NLRC3: variants seen among roughly 807,000 people sequenced by gnomAD.
NLRC3 encodes NLR family CARD domain-containing protein 3.
In NLRC3, 87 loss-of-function variants were observed where a neutral mutation model predicts 91.6. That is an observed-to-expected ratio of 0.95 (90% CI 0.80 to 1.14). NLRC3 has a LOEUF of 1.14. Among genes scored for constraint, NLRC3 ranks in the 50% most tolerant of loss-of-function variants. NLRC3 has a pLI of 0.00. For missense variants in NLRC3, 1,577 were observed against 1,418.6 expected, an observed-to-expected ratio of 1.11 and a Z score of -1.79; for synonymous variants, 694 against 625.3, an observed-to-expected ratio of 1.11 and a Z score of -1.64.
chr16:3,576,657 T>TTTCTTTTTTG (rs1555448210), intron 1 of NLRC3, among the ~76,000 whole-genome samples: 1 of 152,178 alleles, frequency 6.6e-6, no homozygotes, highest in Non-Finnish European at 1.5e-5. Context: ...TTTCTTTTCT[T>TTTCTTTTTTG]TTTTGTTTTG....
At chr16:3,575,705 C>T (rs2040263170) in intron 1 of NLRC3, among the ~76,000 whole-genome samples, 4 of 152,196 alleles carry the variant, frequency 2.6e-5, no homozygotes, top group Admixed American at 2.6e-4. Flanking sequence ...CCTGAGAAGC[C>T]TCAGTCCCGA....
intron 16 of NLRC3, 121 bp from the exon 17 acceptor site, chr16:3,543,629 T>C: frequency 1.4e-6 from 1 of 705,336 alleles, no homozygotes; most frequent in Non-Finnish European, 2.5e-6. Context: ...CTGAGAATGG[T>C]TGGCCAGCGC....
intron 1 of NLRC3, among the ~76,000 whole-genome samples, chr16:3,575,863 C>T (rs1448871987): frequency 2.6e-5 from 4 of 152,336 alleles, no homozygotes; most frequent in East Asian, 1.9e-4. Context: ...TCTCCCACCA[C>T]GGCTGCTTGG....
Position 3,564,911 on chromosome 16 carries a change from G to T in NLRC3, c.126C>A (p.Ala42=). Residue 42 remains alanine (A), a synonymous_variant, in exon 4 of 20, where the codon GCC becomes GCA. Transcript: ENST00000359128. This position sits in a 1 kb window ranked among gnomAD's most constrained non-coding sequence, Gnocchi z 5.9. ...LAGKGSQGSQ[A]PQALDRTPDA... ...CCGGTGTCCTATCCAGGGCCTGCGG[G>T]GCCTGGGAGCCTTGACTGCCCTTCC... 1 of 1,610,050 alleles carries T rather than the reference G, an allele frequency of 6.2e-7. No individual in the cohort carries two copies. Among genetic ancestry groups the T allele is most frequent in the Non-Finnish European group, 8.5e-7 (1 of 1,179,556 alleles).
chr16:3,554,897 A>G (rs1365716827), intron 8 of NLRC3, among the ~76,000 whole-genome samples: 2 of 152,218 alleles, frequency 1.3e-5, no homozygotes, highest in African/African-American at 4.8e-5. Flanking sequence ...TCAACATATC[A>G]TGGTCTGTCC....
intron 8 of NLRC3, among the ~76,000 whole-genome samples, chr16:3,555,608 C>G (rs1268724424): frequency 6.6e-6 from 1 of 152,076 alleles, no homozygotes; most frequent in Admixed American, 6.6e-5. Flanking sequence ...CTCGCTCTGT[C>G]GCCCAGGCTG....
At chr16:3,570,368 C>T (rs1488093313) in intron 1 of NLRC3, among the ~76,000 whole-genome samples, 2 of 152,132 alleles carry the variant, frequency 1.3e-5, no homozygotes, top group Non-Finnish European at 2.9e-5. Context: ...ATTTATTCAA[C>T]CAGCAAATAT....
intron 1 of NLRC3, among the ~76,000 whole-genome samples, chr16:3,572,840 C>T (rs542688850): frequency 7.2e-5 from 11 of 151,726 alleles, no homozygotes; most frequent in Non-Finnish European, 7.4e-5. Flanking sequence ...TGGTGAAACC[C>T]CGTCTCTACT....
rs1199854746 is a variant in NLRC3 at position 3,560,308 on chromosome 16, A to G, written c.2015+1394T>C. ...TGTGGTGGCATGCGCCTGTAGTCCC[A>G]GCTACTCAGGAGGCTGAGGCAGGAG... is the stretch of plus-strand genomic sequence containing the variant. On this transcript the variant is annotated intron_variant, in intron 6 of 19. Coordinates refer to ENST00000359128, the MANE Select transcript of NLRC3 (RefSeq NM_178844.4). Among the ~76,000 whole-genome samples, 3 of 152,114 alleles carry G rather than the reference A, an allele frequency of 2.0e-5. No individual in the cohort carries two copies. The East Asian group carries it at 5.8e-4, about 30-fold the overall frequency.
intron 3 of NLRC3, 30 bp from the exon 4 acceptor site, chr16:3,565,090 T>G: frequency 6.5e-7 from 1 of 1,544,500 alleles, no homozygotes; most frequent in Non-Finnish European, 8.8e-7. Context: ...ACCTGCTGCC[T>G]GCCGTGCCCC....
chr16:3,546,472 G>A (rs542275472), intron 15 of NLRC3, among the ~76,000 whole-genome samples: 5 of 151,894 alleles, frequency 3.3e-5, no homozygotes, highest in African/African-American at 4.8e-5. Context: ...CAGGAGAATC[G>A]CTTGGACCTG....
intron 6 of NLRC3, 77 bp from the exon 7 acceptor site, chr16:3,557,753 G>A (rs1246481504): frequency 1.1e-6 from 1 of 902,268 alleles, no homozygotes; most frequent in Non-Finnish European, 1.8e-6. Flanking sequence ...CTGTGCCCGT[G>A]ATTAATCCTC....
chr16:3,551,325 TATCCATCCACTCATCCATTC>T (rs2038986953), intron 10 of NLRC3, among the ~76,000 whole-genome samples: 1 of 128,790 alleles, frequency 7.8e-6, no homozygotes, highest in Non-Finnish European at 1.7e-5. Context: ...CTCATCCATT[TATCCATCCACTCATCCATTC>T]AACCATCCAT....
At chr16:3,573,110 TA>T (rs2040157961) in intron 1 of NLRC3, among the ~76,000 whole-genome samples, 1 of 149,878 alleles carries the variant, frequency 6.7e-6, no homozygotes. Context: ...TGAGAGAAAT[TA>T]AAAAACATCA....
chr16:3,571,291 A>G (rs941105622), intron 1 of NLRC3, among the ~76,000 whole-genome samples: 1 of 151,976 alleles, frequency 6.6e-6, no homozygotes, highest in Non-Finnish European at 1.5e-5. Flanking sequence ...ATGAGATAAT[A>G]TTTTAAAATA....
intron 10 of NLRC3, among the ~76,000 whole-genome samples, chr16:3,551,151 A>G (rs1325600314): frequency 2.0e-5 from 3 of 150,584 alleles, no homozygotes; most frequent in Non-Finnish European, 4.4e-5. Flanking sequence ...CCACTCACCT[A>G]TTCTCCACTA....
intron 15 of NLRC3, chr16:3,545,736 A>G (rs2038659566): frequency 6.6e-6 from 1 of 152,186 alleles, no homozygotes; most frequent in Non-Finnish European, 1.5e-5. Context: ...CCCGAACCCA[A>G]AGTGGGGAGT....
chr16:3,562,763 G>A (rs1026027323), intron 5 of NLRC3: 66 of 596,966 alleles, frequency 1.1e-4, no homozygotes, highest in Non-Finnish European at 5.4e-5. Context: ...GGAAGCTAGA[G>A]AGGAAGGAAA....
At chr16:3,546,545 A>C (rs2038701644) in intron 15 of NLRC3, among the ~76,000 whole-genome samples, 1 of 152,178 alleles carries the variant, frequency 6.6e-6, no homozygotes, top group Non-Finnish European at 1.5e-5. Flanking sequence ...CAACAGAGCG[A>C]GACTCCATCT....
Sources: gnomAD v4.1 joint callset for allele counts (sites outside exome capture counted in the v4.1 genomes callset) on GRCh38, gnomAD v4.1.1 for gene constraint, Gnocchi (gnomAD v3.1) non-coding constraint, MANE v1.5 for transcripts, NCBI Gene and HGNC (gene_info 2026-07-23, HGNC 2026-07-21) for gene names.